The following NXPE2 variants were observed in gnomAD, a reference collection of about 807,000 sequenced individuals.
NXPE2 encodes NXPE family member 2.
Under a neutral mutation model 34.4 loss-of-function variants are expected in NXPE2, and 34 were observed. The ratio of observed to expected loss-of-function variants is 0.99; its 90% CI spans 0.75 to 1.31. The LOEUF is 1.31. NXPE2 is among the 40% of genes most tolerant of loss of function. The pLI, the probability that NXPE2 is intolerant of heterozygous loss-of-function variation, is 0.00. For synonymous variants in NXPE2, 235 were observed against 231.3 expected, an observed-to-expected ratio of 1.02 and a Z score of -0.15; for missense variants, 649 against 672.5, an observed-to-expected ratio of 0.97 and a Z score of 0.39.
At chr11:114,588,869 C>A in the NXPE2 span, among the ~76,000 whole-genome samples, 2 of 152,124 alleles carry the variant, frequency 1.3e-5, no homozygotes, top group African/African-American at 4.8e-5. Flanking sequence ...AAGTTTATTA[C>A]ACAGGCAGCT....
the NXPE2 span, among the ~76,000 whole-genome samples, chr11:114,602,464 ATAAAT>A: frequency 7.4e-6 from 1 of 135,400 alleles, no homozygotes; most frequent in Non-Finnish European, 1.5e-5. Flanking sequence ...TAAATAATAT[ATAAAT>A]TATAGATTAT....
At chr11:114,565,059 C>A in the NXPE2 span, among the ~76,000 whole-genome samples, 1 of 152,284 alleles carries the variant, frequency 6.6e-6, no homozygotes, top group African/African-American at 2.4e-5. Context: ...TCTTTCCTGG[C>A]AACAGGAACA....
chr11:114,633,912 A>G, the NXPE2 span, among the ~76,000 whole-genome samples: 5 of 152,020 alleles, frequency 3.3e-5, no homozygotes, highest in African/African-American at 9.6e-5. Context: ...GAGTAGTGCC[A>G]CAATAAACAT....
At chr11:114,599,146 T>C in the NXPE2 span, among the ~76,000 whole-genome samples, 1 of 152,134 alleles carries the variant, frequency 6.6e-6, no homozygotes, top group Admixed American at 6.5e-5. Context: ...AGAAATTTCT[T>C]CCCCCAGATA....
At chr11:114,621,494 C>T in the NXPE2 span, among the ~76,000 whole-genome samples, 11 of 152,114 alleles carry the variant, frequency 7.2e-5, no homozygotes, top group African/African-American at 2.4e-4. Flanking sequence ...CTCTATTACT[C>T]ATTGGAAAAT....
chr11:114,618,625 A>C, the NXPE2 span, among the ~76,000 whole-genome samples: 1 of 149,214 alleles, frequency 6.7e-6, no homozygotes, highest in Non-Finnish European at 1.5e-5. Context: ...TTGCCTTGTG[A>C]GTAACCACTG....
the NXPE2 span, among the ~76,000 whole-genome samples, chr11:114,591,807 A>G: frequency 6.6e-6 from 1 of 152,126 alleles, no homozygotes; most frequent in Non-Finnish European, 1.5e-5. Context: ...CTGTAGGTGA[A>G]CAGGAGATGT....
At chr11:114,777,412 T>C in the NXPE2 span, among the ~76,000 whole-genome samples, 11 of 152,198 alleles carry the variant, frequency 7.2e-5, no homozygotes, top group African/African-American at 2.7e-4. Flanking sequence ...AGAAGCCTGG[T>C]TGGGAGCAAA....
intron 2 of NXPE2, among the ~76,000 whole-genome samples, chr11:114,687,281 AT>A (rs1419094217): frequency 1.3e-5 from 2 of 151,840 alleles, no homozygotes; most frequent in African/African-American, 4.8e-5. Context: ...TTTTGAGTTA[AT>A]TTTTCTATAT....
At chr11:114,792,077 ATAAC>A in the NXPE2 span, among the ~76,000 whole-genome samples, 1 of 152,182 alleles carries the variant, frequency 6.6e-6, no homozygotes, top group Non-Finnish European at 1.5e-5. Flanking sequence ...AAAAAAAGAA[ATAAC>A]TAAGATACGT....
the NXPE2 span, among the ~76,000 whole-genome samples, chr11:114,616,014 T>C: frequency 1.3e-5 from 2 of 151,678 alleles, no homozygotes; most frequent in Admixed American, 1.3e-4. Context: ...GGATAATAAG[T>C]ATTGCCTCGT....
the NXPE2 span, among the ~76,000 whole-genome samples, chr11:114,524,660 A>G: frequency 1.1e-3 from 161 of 152,292 alleles, 3 homozygotes; most frequent in South Asian, 0.023. Context: ...GTTATTAAGT[A>G]TTCTTTATCC....
At chr11:114,806,948 C>T in the NXPE2 span, among the ~76,000 whole-genome samples, 20 of 152,114 alleles carry the variant, frequency 1.3e-4, no homozygotes, top group East Asian at 1.3e-3. Flanking sequence ...AGAGAAAAGT[C>T]GGGTTACCCA....
At chr11:114,619,578 G>A in the NXPE2 span, among the ~76,000 whole-genome samples, 1 of 149,870 alleles carries the variant, frequency 6.7e-6, no homozygotes, top group Non-Finnish European at 1.5e-5. Flanking sequence ...TGGATAATGT[G>A]TTGCCTCGTG....
the NXPE2 span, among the ~76,000 whole-genome samples, chr11:114,757,335 G>A: frequency 6.0e-5 from 9 of 150,400 alleles, no homozygotes; most frequent in African/African-American, 1.2e-4. Context: ...TTTCTCCACC[G>A]AGAGAGGGCA....
At chr11:114,620,569 G>A in the NXPE2 span, among the ~76,000 whole-genome samples, 13 of 151,688 alleles carry the variant, frequency 8.6e-5, no homozygotes, top group Admixed American at 2.0e-4. Context: ...ACTGTTACGC[G>A]GTGGATAATA....
At chr11:114,487,520 T>C in the NXPE2 span, among the ~76,000 whole-genome samples, 35 of 152,216 alleles carry the variant, frequency 2.3e-4, no homozygotes, top group South Asian at 6.2e-4. Flanking sequence ...GTTTCTCTTG[T>C]CTGATTGCTC....
the NXPE2 span, among the ~76,000 whole-genome samples, chr11:114,535,079 T>C: frequency 6.6e-6 from 1 of 152,196 alleles, no homozygotes; most frequent in African/African-American, 2.4e-5. Flanking sequence ...TAACAGCTGA[T>C]CTCTTGCCAG....
chr11:114,561,577 G>A, the NXPE2 span, among the ~76,000 whole-genome samples: 1 of 152,258 alleles, frequency 6.6e-6, no homozygotes, highest in Non-Finnish European at 1.5e-5. Context: ...CTAAATAGAT[G>A]ATAAATTTAC....
Sources: gnomAD v4.1 joint callset for allele counts (sites outside exome capture counted in the v4.1 genomes callset) on GRCh38, gnomAD v4.1.1 for gene constraint, MANE v1.5 for transcripts, NCBI Gene and HGNC (gene_info 2026-07-23, HGNC 2026-07-21) for gene names.